Variants in AP1G1 observed in about 807,000 individuals in gnomAD.
AP1G1 encodes the protein AP-1 complex subunit gamma-1.
A neutral mutation model predicts 108.3 loss-of-function variants in AP1G1; 7 were observed. The observed-to-expected ratio is 0.06, with a 90% CI of 0.04 to 0.12. The LOEUF (loss-of-function observed/expected upper bound fraction) is 0.12, where lower values mean the gene tolerates loss of function less well. Ranked by LOEUF, AP1G1 falls within the 10% of genes least tolerant of loss-of-function variation. The pLI is 1.00. For synonymous variants in AP1G1, 379 were observed against 353.5 expected (o/e 1.07, Z -0.81); for missense variants, 756 against 1,010.7 (o/e 0.75, Z 3.42).
At chr16:71,761,749 C>T (rs1040543048) in intron 9 of AP1G1, among the ~76,000 whole-genome samples, 182 bp from the exon 10 acceptor site, 5 of 145,174 alleles carry the variant, frequency 3.4e-5, no homozygotes, top group Admixed American at 2.9e-4. Flanking sequence ...GCCGGTGGAT[C>T]GCCAGGTCAG....
At chr16:71,794,835 C>CTTTTCTTTTTTTTTTTTTTTTTTTT (rs2032522793) in intron 1 of AP1G1, among the ~76,000 whole-genome samples, 3 of 39,632 alleles carry the variant, frequency 7.6e-5, no homozygotes, top group African/African-American at 3.1e-4. Flanking sequence ...ATGAGAAGTG[C>CTTTTCTTTTTTTTTTTTTTTTTTTT]TTTTTTTTTT....
intron 1 of AP1G1, chr16:71,808,114 G>A: frequency 8.7e-7 from 1 of 1,153,370 alleles, no homozygotes; most frequent in Non-Finnish European, 1.1e-6. Flanking sequence ...GGAAGACCGG[G>A]AGAATTATTA....
At chr16:71,773,016 A>C in intron 4 of AP1G1, 1 of 679,728 alleles carries the variant, frequency 1.5e-6, no homozygotes, top group Non-Finnish European at 2.6e-6. Flanking sequence ...GCCACCTAGG[A>C]TATATCCAGT....
At chr16:71,758,622 G>A in intron 11 of AP1G1, 186 bp downstream of exon 11, 1 of 601,702 alleles carries the variant, frequency 1.7e-6, no homozygotes, top group Non-Finnish European at 3.0e-6. Context: ...ACTTCTCCCT[G>A]CCAATCCTTT....
chr16:71,738,191 G>A (rs1379572149), intron 21 of AP1G1, among the ~76,000 whole-genome samples: 1 of 151,704 alleles, frequency 6.6e-6, no homozygotes, highest in Non-Finnish European at 1.5e-5. Context: ...ACTGGGATTA[G>A]AGGAACCTGC....
chr16:71,781,174 A>G (rs1042606551), intron 2 of AP1G1, among the ~76,000 whole-genome samples: 2 of 152,112 alleles, frequency 1.3e-5, no homozygotes, highest in Non-Finnish European at 2.9e-5. Flanking sequence ...CACACCTAAA[A>G]TCATCATTTT....
In AP1G1 at chr16:71,745,234, T is replaced by C. The variant is rs1168629865; in HGVS notation, c.1909A>G (p.Ile637Val). ...DLLDLLGGND[I>V]TPVIPTAPTS... The stretch of plus-strand genomic sequence containing the variant: ...GGCGCAGTTGGAATAACAGGTGTTA[T>C]GTCATTTCCTCCCAACAAATCCAAT... The change falls in exon 19 of 23, where the codon ATA becomes GTA. Residue 637 changes from isoleucine to valine, a missense_variant. By Grantham distance (29) the Ile-to-Val change is conservative. Transcript: ENST00000299980. 7 of 1,614,238 alleles carry C rather than the reference T, an allele frequency of 4.3e-6. No individual in the cohort carries two copies. The Admixed American group carries it at 1.0e-4, about 23-fold the overall frequency.
At chr16:71,784,169 G>C (rs1305044293) in intron 2 of AP1G1, among the ~76,000 whole-genome samples, 7 of 152,180 alleles carry the variant, frequency 4.6e-5, no homozygotes, top group Non-Finnish European at 1.0e-4. Flanking sequence ...TGCATAACAT[G>C]AGGCTTTTTA....
chr16:71,808,781 G>A lies in AP1G1; in HGVS notation c.-22C>T, dbSNP rs1043233121. The stretch of plus-strand genomic sequence containing the variant: ...CACTCACCGGCCCGAAACCTCGAAT[G>A]AAACCAGCAGCTCCGGGGGCGGCGG... On this transcript the variant is annotated 5_prime_UTR_variant, in exon 1 of 23. Coordinates refer to ENST00000299980, the MANE Select transcript of AP1G1 (RefSeq NM_001128.6). The A allele has an allele frequency of 3.1e-6, 4 of 1,289,702 alleles. No individual in the cohort carries two copies. The highest frequency in any genetic ancestry group is 1.5e-5 in the African/African-American group (1 of 65,992). 79.9% of individuals were successfully genotyped at this position (1,289,702 alleles called of 1,614,324 possible). A position where few individuals can be genotyped will look rare whatever the true frequency, so the allele number is the denominator to read the frequency against.
intron 1 of AP1G1, among the ~76,000 whole-genome samples, chr16:71,800,438 T>C (rs1040508823): frequency 4.6e-5 from 7 of 151,168 alleles, no homozygotes; most frequent in Non-Finnish European, 1.0e-4. Context: ...TCCTAGCACT[T>C]TGGGAGGCCA....
At chr16:71,762,888 G>A (rs995572635) in intron 9 of AP1G1, among the ~76,000 whole-genome samples, 1 of 152,202 alleles carries the variant, frequency 6.6e-6, no homozygotes, top group Non-Finnish European at 1.5e-5. Context: ...ATCTGAGCTT[G>A]GGAGTGGCAT....
chr16:71,786,883 C>A (rs1215212698), intron 2 of AP1G1, among the ~76,000 whole-genome samples: 1 of 152,056 alleles, frequency 6.6e-6, no homozygotes, highest in Non-Finnish European at 1.5e-5. Context: ...AGCAACACAG[C>A]AAAGCCCTGT....
chr16:71,739,037 T>G lies in AP1G1; in HGVS notation c.2173A>C (p.Asn725His). 1.2e-6 allele frequency: 2 copies of G among 1,614,204 alleles called. No individual in the cohort carries two copies. Among genetic ancestry groups the G allele is most frequent in the Non-Finnish European group, 1.7e-6 (2 of 1,180,018 alleles). Reference protein sequence around the residue: ...LKIEFTFERSNTNPSVTVITI... With the variant: ...LKIEFTFERSHTNPSVTVITI... ...ATCACTGTTACACTGGGGTTGGTAT[T>G]TGACCGTTCAAAGGTGAATTCTATC... The change falls in exon 21 of 23, where the codon AAT (asparagine) becomes CAT (histidine). Residue 725 changes from asparagine to histidine, a missense_variant. Asn to His is a moderately conservative substitution (Grantham distance 68, BLOSUM62 1). Transcript: ENST00000299980.
rs2031228705 is a variant in AP1G1 at position 71,764,337 on chromosome 16, CAA to C, written c.918+11_918+12del. The C allele has an allele frequency of 3.9e-6, 6 of 1,532,238 alleles. No individual in the cohort carries two copies. The highest frequency in any genetic ancestry group is 5.4e-6 in the Non-Finnish European group (6 of 1,118,144). 94.9% of individuals were successfully genotyped at this position (1,532,238 alleles called of 1,614,324 possible). A position where few individuals can be genotyped will look rare whatever the true frequency, so the allele number is the denominator to read the frequency against. ...ACATTTAGGGGGGGAAGAAAAGATT[CAA>C]AAAGACTTACTCGCAATCCACTCTC... On this transcript the variant is annotated intron_variant, in intron 9 of 22. Transcript: ENST00000299980.
intron 10 of AP1G1, among the ~76,000 whole-genome samples, chr16:71,760,914 C>T (rs987490457): frequency 6.6e-6 from 1 of 152,108 alleles, no homozygotes; most frequent in Non-Finnish European, 1.5e-5. Context: ...AGCAGGAATA[C>T]GTACTACATA....
chr16:71,778,085 A>C (rs2031859351), intron 2 of AP1G1, among the ~76,000 whole-genome samples: 1 of 152,230 alleles, frequency 6.6e-6, no homozygotes, highest in Non-Finnish European at 1.5e-5. Context: ...GTAGGCACAG[A>C]GAAGAAGTGG....
chr16:71,748,146 C>T, intron 16 of AP1G1, 105 bp downstream of exon 16: 1 of 1,215,804 alleles, frequency 8.2e-7, no homozygotes, highest in Non-Finnish European at 1.2e-6. Flanking sequence ...ATTCTCTCTA[C>T]TTTTGTCTAT....
chr16:71,796,563 A>G (rs1462134593), intron 1 of AP1G1, among the ~76,000 whole-genome samples: 1 of 152,138 alleles, frequency 6.6e-6, no homozygotes. Flanking sequence ...TAACTTACAA[A>G]TCAGTGTGTT....
At chr16:71,753,993 A>G in intron 12 of AP1G1, 106 bp from the exon 13 acceptor site, 1 of 1,056,842 alleles carries the variant, frequency 9.5e-7, no homozygotes, top group Non-Finnish European at 1.4e-6. Context: ...TCATCCCAAC[A>G]TCTTGGGAGG....
Sources: allele counts gnomAD v4.1 joint callset (sites outside exome capture counted in the v4.1 genomes callset), GRCh38; gene constraint gnomAD v4.1.1; transcripts MANE v1.5; gene names NCBI Gene and HGNC (gene_info 2026-07-23, HGNC 2026-07-21).